The following ST8SIA1 variants were observed in gnomAD, a reference collection of about 807,000 sequenced individuals.
ST8SIA1 encodes ST8 alpha-N-acetyl-neuraminide alpha-2,8-sialyltransferase 1.
In ST8SIA1, 16 loss-of-function variants were observed where a neutral mutation model predicts 35.9. That is an observed-to-expected ratio of 0.45 (90% CI 0.30 to 0.68). The LOEUF (loss-of-function observed/expected upper bound fraction) is 0.68. Among genes scored for constraint, ST8SIA1 ranks in the 30% least tolerant of loss-of-function variants. The pLI is 0.09. For missense variants in ST8SIA1, 383 were observed against 453.6 expected (o/e 0.84, Z 1.41); for synonymous variants, 170 against 169.6 (o/e 1.00, Z -0.02).
intron 4 of ST8SIA1, among the ~76,000 whole-genome samples, chr12:22,219,281 A>G (rs12828366): frequency 0.77 from 117,749 of 152,112 alleles, 45,782 homozygotes; most frequent in South Asian, 0.93. Context: ...ATAGTTACAT[A>G]GACAGGATAT....
intron 4 of ST8SIA1, among the ~76,000 whole-genome samples, chr12:22,247,740 C>G (rs534958688): frequency 6.6e-6 from 1 of 151,252 alleles, no homozygotes; most frequent in Non-Finnish European, 1.5e-5. Flanking sequence ...CAAGTCTCAT[C>G]GCATAAAAAA....
chr12:22,300,091 T>C (rs556071982), intron 1 of ST8SIA1, among the ~76,000 whole-genome samples: 1 of 152,294 alleles, frequency 6.6e-6, no homozygotes, highest in Non-Finnish European at 1.5e-5. Flanking sequence ...TATTTTTTAA[T>C]TAAGGTTATT....
intron 4 of ST8SIA1, among the ~76,000 whole-genome samples, chr12:22,211,712 A>G (rs2120636352): frequency 6.6e-6 from 1 of 152,000 alleles, no homozygotes; most frequent in African/African-American, 2.4e-5. Context: ...CTAATTTACT[A>G]TTTTCTTTTT....
intron 4 of ST8SIA1, among the ~76,000 whole-genome samples, chr12:22,218,909 G>T (rs1865265590): frequency 6.6e-6 from 1 of 151,984 alleles, no homozygotes; most frequent in Admixed American, 6.6e-5. Context: ...TGAATTTCAT[G>T]TTCTTTGTCA....
At position 22,253,179 on chromosome 12, in the gene ST8SIA1, G is replaced by A. The variant is rs759502244; in HGVS notation, c.491+2101C>T. 1.6e-4 allele frequency among the ~76,000 whole-genome samples: 24 copies of A among 152,278 alleles called. 1 individual carries two copies. The highest frequency in any genetic ancestry group is 3.4e-3 in the Middle Eastern group (1 of 294). On this transcript the variant is annotated intron_variant, in intron 3 of 4. Coordinates refer to ENST00000396037, the MANE Select transcript of ST8SIA1 (RefSeq NM_003034.4). Reference sequence around the variant, plus strand: ...ATTAGAAAGCTGGGCCCCAGCAAGGGTAAAATAATGCACTGTAGGTCACAG... The same window carrying A: ...ATTAGAAAGCTGGGCCCCAGCAAGGATAAAATAATGCACTGTAGGTCACAG...
chr12:22,196,460 T>G lies in ST8SIA1; in HGVS notation c.*5092A>C, dbSNP rs1199725037. ...GCAGATGGTATCCATTTTCTTATGA[T>G]AGAAGGGAAAAAAAGCTACAGCAAT... On this transcript the variant is annotated 3_prime_UTR_variant, in exon 5 of 5. Transcript: ENST00000396037. 6.6e-6 allele frequency: 1 copy of G among 152,112 alleles called. No homozygotes were observed. Among genetic ancestry groups the G allele is most frequent in the Non-Finnish European group, 1.5e-5 (1 of 68,022 alleles). 9.4% of individuals were successfully genotyped at this position (152,112 alleles called of 1,614,324 possible). A position where few individuals can be genotyped will look rare whatever the true frequency, so the allele number is the denominator to read the frequency against.
At chr12:22,304,809 AG>A (rs1866364145) in intron 1 of ST8SIA1, among the ~76,000 whole-genome samples, 2 of 152,252 alleles carry the variant, frequency 1.3e-5, no homozygotes, top group Non-Finnish European at 2.9e-5. Context: ...GCTCAGATCC[AG>A]TTAAAAGACA....
chr12:22,296,319 C>T (rs1324688190), intron 1 of ST8SIA1, among the ~76,000 whole-genome samples: 1 of 152,174 alleles, frequency 6.6e-6, no homozygotes, highest in East Asian at 1.9e-4. Context: ...ACTCCAAAAG[C>T]ACAGCAAGAC....
chr12:22,274,802 A>G (rs2418057), intron 2 of ST8SIA1, among the ~76,000 whole-genome samples: 37,508 of 152,102 alleles, frequency 0.25, 4,813 homozygotes, highest in African/African-American at 0.34. Flanking sequence ...GGGAAAAGCA[A>G]CCATCCATTT....
intron 1 of ST8SIA1, among the ~76,000 whole-genome samples, chr12:22,316,481 C>T (rs1280497963): frequency 6.6e-6 from 1 of 151,976 alleles, no homozygotes; most frequent in Non-Finnish European, 1.5e-5. Flanking sequence ...TATACTAAAA[C>T]AAATCACAGA....
At chr12:22,332,025 A>G (rs1440735913) in intron 1 of ST8SIA1, among the ~76,000 whole-genome samples, 2 of 152,234 alleles carry the variant, frequency 1.3e-5, no homozygotes, top group African/African-American at 4.8e-5. Context: ...GACTCAAAAA[A>G]TATACTAACT....
chr12:22,281,290 G>A (rs2300740), intron 2 of ST8SIA1, among the ~76,000 whole-genome samples: 8,231 of 152,180 alleles, frequency 0.054, 335 homozygotes, highest in East Asian at 0.15. Context: ...TTGTCCCAAT[G>A]TGCAAATTAT....
At chr12:22,333,949 CG>C in intron 1 of ST8SIA1, 47 bp downstream of exon 1, 1 of 1,553,716 alleles carries the variant, frequency 6.4e-7, no homozygotes. Flanking sequence ...CCTCTGCACT[CG>C]GGGAGGAAAG....
intron 1 of ST8SIA1, among the ~76,000 whole-genome samples, chr12:22,305,776 T>G (rs780996187): frequency 1.3e-5 from 2 of 152,232 alleles, no homozygotes; most frequent in South Asian, 4.1e-4. Context: ...TGGGGTTACC[T>G]AACTATAAAC....
At chr12:22,263,991 A>T (rs1033166827) in intron 2 of ST8SIA1, among the ~76,000 whole-genome samples, 5 of 152,020 alleles carry the variant, frequency 3.3e-5, no homozygotes, top group Non-Finnish European at 7.4e-5. Context: ...GACCATAAGA[A>T]CTCAACTCAC....
At chr12:22,295,582 T>C (rs1255655829) in intron 1 of ST8SIA1, among the ~76,000 whole-genome samples, 1 of 151,778 alleles carries the variant, frequency 6.6e-6, no homozygotes, top group Admixed American at 6.6e-5. Flanking sequence ...AAAAAATTTT[T>C]AATTAGCCTG....
intron 1 of ST8SIA1, among the ~76,000 whole-genome samples, chr12:22,321,113 C>A (rs1463432715): frequency 6.6e-6 from 1 of 151,982 alleles, no homozygotes. Context: ...ACACACCAGG[C>A]ACTAGACACA....
At chr12:22,231,239 G>T (rs571446318) in intron 4 of ST8SIA1, among the ~76,000 whole-genome samples, 1 of 151,026 alleles carries the variant, frequency 6.6e-6, no homozygotes, top group African/African-American at 2.4e-5. Flanking sequence ...AATGTTGCAC[G>T]TGATTTTCCA....
Position 22,255,346 on chromosome 12 carries a change from C to G in ST8SIA1, c.425G>C (p.Gly142Ala). 1 of 1,614,160 alleles carries G rather than the reference C, an allele frequency of 6.2e-7. No homozygotes were observed. Among genetic ancestry groups the G allele is most frequent in the Non-Finnish European group, 8.5e-7 (1 of 1,180,016 alleles). ...QLPLKKCAVV[G>A]NGGILKKSGC... ...ACTCTTCTTCAGAATCCCACCATTT[C>G]CCACCACCGCGCATTTCTTCAATGG... is the stretch of plus-strand genomic sequence containing the variant. Residue 142 changes from glycine to alanine, a missense_variant, in exon 3 of 5, where the codon GGA becomes GCA. Coordinates refer to ENST00000396037, the MANE Select transcript of ST8SIA1 (RefSeq NM_003034.4).
Sources: gnomAD v4.1 joint callset for allele counts (sites outside exome capture counted in the v4.1 genomes callset) on GRCh38, gnomAD v4.1.1 for gene constraint, MANE v1.5 for transcripts, NCBI Gene and HGNC (gene_info 2026-07-23, HGNC 2026-07-21) for gene names.